The following ANKS1B variants were observed in gnomAD, a reference collection of about 807,000 sequenced individuals.
ANKS1B encodes ankyrin repeat and sterile alpha motif domain-containing protein 1B.
In ANKS1B, 36 loss-of-function variants were observed where a neutral mutation model predicts 148.3. That is an observed-to-expected ratio of 0.24 (90% CI 0.19 to 0.32). The LOEUF is 0.32. Among genes scored for constraint, ANKS1B ranks in the 10% least tolerant of loss-of-function variants. The pLI, the probability that ANKS1B is intolerant of heterozygous loss-of-function variation, is 1.00. For missense variants in ANKS1B, 1,157 were observed against 1,542.6 expected, an observed-to-expected ratio of 0.75 and a Z score of 4.19; for synonymous variants, 542 against 560.8, an observed-to-expected ratio of 0.97 and a Z score of 0.47.
intron 17 of ANKS1B, among the ~76,000 whole-genome samples, chr12:99,046,340 C>G (rs922391004): frequency 6.6e-6 from 1 of 151,814 alleles, no homozygotes; most frequent in South Asian, 2.1e-4. Context: ...AATTACCAGA[C>G]ATGCAAAAAA....
intron 9 of ANKS1B, among the ~76,000 whole-genome samples, chr12:99,546,372 A>C (rs1168084520): frequency 6.6e-6 from 1 of 152,166 alleles, no homozygotes; most frequent in Non-Finnish European, 1.5e-5. Context: ...TTTCCATAAA[A>C]ATTATGCCAC....
chr12:99,504,189 G>T (rs536947488), intron 10 of ANKS1B, among the ~76,000 whole-genome samples: 1 of 152,090 alleles, frequency 6.6e-6, no homozygotes, highest in Non-Finnish European at 1.5e-5. Flanking sequence ...AGGAACCAAA[G>T]CTGTGTATCT....
Position 98,993,694 on chromosome 12 carries a change from G to C in ANKS1B, c.2778+59463C>G, listed in dbSNP as rs575029856. Reference sequence around the variant, plus strand: ...AGGCAAGATTTTATTCTTCATGTGTGATATATTTTGGTAATTAAGGAGTCA... The same window carrying C: ...AGGCAAGATTTTATTCTTCATGTGTCATATATTTTGGTAATTAAGGAGTCA... On this transcript the variant is annotated intron_variant, in intron 17 of 26. Transcript: ENST00000683438. Among the ~76,000 whole-genome samples the C allele has an allele frequency of 1.0e-3, 154 of 152,312 alleles. 5 individuals carry two copies. The South Asian group carries it at 0.031, about 31-fold the overall frequency.
intron 8 of ANKS1B, among the ~76,000 whole-genome samples, chr12:99,667,170 ACT>A (rs1319626560): frequency 6.6e-6 from 1 of 151,298 alleles, no homozygotes; most frequent in African/African-American, 2.4e-5. Flanking sequence ...ACATGATGAA[ACT>A]CTGTCTCTAC....
At position 99,767,800 on chromosome 12, in the gene ANKS1B, G is replaced by C. The variant is rs559036280; in HGVS notation, c.1128+5122C>G. On this transcript the variant is annotated intron_variant, in intron 8 of 26. Transcript: ENST00000683438. ...GCAAGACAAAATGCAATTTTAACTT[G>C]AGCTAGCCTTTATATTACATGCAAA... Among the ~76,000 whole-genome samples the C allele has an allele frequency of 3.9e-5, 6 of 152,156 alleles. No individual in the cohort carries two copies. The East Asian group carries it at 1.2e-3, about 29-fold the overall frequency.
chr12:98,853,417 T>C (rs533144974), intron 17 of ANKS1B, among the ~76,000 whole-genome samples: 12 of 152,250 alleles, frequency 7.9e-5, no homozygotes, highest in South Asian at 2.1e-4. Flanking sequence ...GAGAGCGTGA[T>C]GATGTGTCTC....
At chr12:99,609,519 A>G (rs2097881605) in intron 9 of ANKS1B, among the ~76,000 whole-genome samples, 1 of 151,434 alleles carries the variant, frequency 6.6e-6, no homozygotes. Flanking sequence ...AGATGACAAA[A>G]GCCCCTTTGA....
intron 9 of ANKS1B, among the ~76,000 whole-genome samples, chr12:99,594,678 G>C (rs1427316468): frequency 6.6e-6 from 1 of 152,014 alleles, no homozygotes; most frequent in Non-Finnish European, 1.5e-5. Flanking sequence ...CAAACTCACA[G>C]AGGCATAGAG....
At chr12:99,083,846 CT>C (rs1366714965) in intron 16 of ANKS1B, 2 of 152,172 alleles carry the variant, frequency 1.3e-5, no homozygotes, top group East Asian at 3.9e-4. Context: ...CAGACCCGAA[CT>C]TGCTTAGCTT....
At chr12:99,916,493 C>T (rs184735462) in intron 1 of ANKS1B, among the ~76,000 whole-genome samples, 7 of 152,126 alleles carry the variant, frequency 4.6e-5, no homozygotes, top group African/African-American at 1.4e-4. Context: ...CAACTGGTCA[C>T]GTACCTGGTC....
At chr12:99,465,458 T>C (rs1230043533) in intron 10 of ANKS1B, among the ~76,000 whole-genome samples, 4 of 152,208 alleles carry the variant, frequency 2.6e-5, no homozygotes, top group Admixed American at 6.5e-5. Flanking sequence ...ACTTTAAATG[T>C]AAATGGACTA....
At chr12:99,904,342 C>G (rs992040099) in intron 1 of ANKS1B, among the ~76,000 whole-genome samples, 1 of 152,006 alleles carries the variant, frequency 6.6e-6, no homozygotes, top group Non-Finnish European at 1.5e-5. Context: ...CAGGCATGTG[C>G]CACCATGCCT....
At chr12:99,903,488 G>C (rs138678952) in intron 1 of ANKS1B, among the ~76,000 whole-genome samples, 15 of 152,326 alleles carry the variant, frequency 9.8e-5, no homozygotes, top group African/African-American at 3.4e-4. Context: ...CTGATACCCA[G>C]AGAGAAGCAC....
rs147700172 is a variant in ANKS1B, at chr12:99,722,636, T to C, written c.1128+50286A>G. On this transcript the variant is annotated intron_variant, in intron 8 of 26. Coordinates refer to ENST00000683438, the MANE Select transcript of ANKS1B (RefSeq NM_001352186.2). ...GAGGTGTACAAGGAGACTAATGTTTTCATGGTTGGTAACACAACATCCATT... is the reference window on the plus strand; with the variant it reads ...GAGGTGTACAAGGAGACTAATGTTTCCATGGTTGGTAACACAACATCCATT... Among the ~76,000 whole-genome samples, 968 of 152,310 alleles carry C rather than the reference T, an allele frequency of 6.4e-3. 28 individuals are homozygous for C. The highest frequency in any genetic ancestry group is 0.034 in the East Asian group (177 of 5,172).
intron 25 of ANKS1B, among the ~76,000 whole-genome samples, chr12:98,767,628 A>G (rs1316114181): frequency 2.0e-5 from 3 of 152,242 alleles, no homozygotes; most frequent in African/African-American, 7.2e-5. Flanking sequence ...ATGGCTTTTA[A>G]TGCTATTAAA....
chr12:99,730,421 G>A (rs1185203717), intron 8 of ANKS1B, among the ~76,000 whole-genome samples: 1 of 152,168 alleles, frequency 6.6e-6, no homozygotes, highest in Non-Finnish European at 1.5e-5. Flanking sequence ...GGGCCAGAGA[G>A]GGTAGAAGAT....
chr12:99,724,670 T>C (rs548392816), intron 8 of ANKS1B, among the ~76,000 whole-genome samples: 1 of 151,880 alleles, frequency 6.6e-6, no homozygotes, highest in East Asian at 1.9e-4. Flanking sequence ...ACTAAGATAC[T>C]CCATGAGACA....
chr12:98,948,610 T>C (rs1342380653), intron 17 of ANKS1B, among the ~76,000 whole-genome samples: 1 of 152,142 alleles, frequency 6.6e-6, no homozygotes, highest in Non-Finnish European at 1.5e-5. Context: ...GAGCTCAAGA[T>C]GGGAAGGGAA....
At chr12:99,619,225 AC>A (rs2098013620) in intron 9 of ANKS1B, among the ~76,000 whole-genome samples, 1 of 151,368 alleles carries the variant, frequency 6.6e-6, no homozygotes, top group Non-Finnish European at 1.5e-5. Flanking sequence ...ATGCATCAGG[AC>A]CCTCTCCACA....
Sources: allele counts gnomAD v4.1 joint callset (sites outside exome capture counted in the v4.1 genomes callset), GRCh38; gene constraint gnomAD v4.1.1; transcripts MANE v1.5; gene names NCBI Gene and HGNC (gene_info 2026-07-23, HGNC 2026-07-21).